The following GLI2 variants were observed in gnomAD, a reference collection of about 807,000 sequenced individuals.
GLI2 encodes transcription activator GLI2.
In GLI2, 22 loss-of-function variants were observed where a neutral mutation model predicts 78.9. The observed-to-expected ratio is 0.28, with a 90% CI of 0.20 to 0.40. The LOEUF is 0.40. Ranked by LOEUF, GLI2 falls within the 10% of genes least tolerant of loss-of-function variation. GLI2 has a pLI of 1.00. For synonymous variants in GLI2, 974 were observed against 963.7 expected (o/e 1.01, Z -0.20); for missense variants, 2,097 against 2,213.2 (o/e 0.95, Z 1.05).
intron 2 of GLI2, among the ~76,000 whole-genome samples, chr2:120,921,931 C>G (rs1260038211): frequency 1.3e-5 from 2 of 152,208 alleles, no homozygotes; most frequent in East Asian, 3.9e-4. Flanking sequence ...ATTTGCTATT[C>G]CTTCTGCCCC....
chr2:120,972,413 G>A (rs571721686), intron 8 of GLI2, among the ~76,000 whole-genome samples: 21 of 152,298 alleles, frequency 1.4e-4, no homozygotes, highest in African/African-American at 4.3e-4. Context: ...TCACGTCCCC[G>A]GAATGGCCCA....
chr2:120,757,133 CT>C (rs1324228971), intron 1 of GLI2, among the ~76,000 whole-genome samples: 2 of 151,894 alleles, frequency 1.3e-5, no homozygotes, highest in African/African-American at 4.8e-5. Context: ...TTTATAACTA[CT>C]GTTTTCATGC....
intron 1 of GLI2, among the ~76,000 whole-genome samples, chr2:120,780,705 G>A (rs558111181): frequency 6.6e-6 from 1 of 152,358 alleles, no homozygotes; most frequent in East Asian, 1.9e-4. Flanking sequence ...TGCCACCCGG[G>A]TTCCCAGCTG....
At chr2:120,767,600 G>A (rs951988747) in intron 1 of GLI2, among the ~76,000 whole-genome samples, 1 of 152,180 alleles carries the variant, frequency 6.6e-6, no homozygotes, top group African/African-American at 2.4e-5. Flanking sequence ...ATTGGCACAG[G>A]GGCACGGGAG....
At chr2:120,832,355 C>A (rs904174428) in intron 2 of GLI2, among the ~76,000 whole-genome samples, 1 of 152,126 alleles carries the variant, frequency 6.6e-6, no homozygotes, top group South Asian at 2.1e-4. Context: ...AAAGGAGGTG[C>A]TAGGAAGGGT....
intron 3 of GLI2, among the ~76,000 whole-genome samples, chr2:120,942,137 C>G (rs999105472): frequency 6.6e-6 from 1 of 152,214 alleles, no homozygotes; most frequent in Admixed American, 6.5e-5. Flanking sequence ...AGGGCCAACT[C>G]TAGGCCAATG....
intron 3 of GLI2, among the ~76,000 whole-genome samples, chr2:120,948,724 C>T (rs1481679721): frequency 6.6e-6 from 1 of 152,180 alleles, no homozygotes; most frequent in Admixed American, 6.5e-5. Context: ...CAGGGGGCCT[C>T]AGCTGTGGTT....
intron 2 of GLI2, among the ~76,000 whole-genome samples, chr2:120,813,154 G>A (rs900625752): frequency 2.6e-5 from 4 of 152,208 alleles, no homozygotes; most frequent in African/African-American, 9.7e-5. Context: ...TGGCAGGGCC[G>A]GGGTGGTGAA....
intron 1 of GLI2, among the ~76,000 whole-genome samples, chr2:120,760,812 G>C (rs1683191652): frequency 6.6e-6 from 1 of 152,162 alleles, no homozygotes; most frequent in African/African-American, 2.4e-5. Flanking sequence ...AATGTTTTCA[G>C]GTCCTTGTGG....
At chr2:120,955,472 T>A (rs1681215600) in intron 5 of GLI2, 42 bp downstream of exon 5, 1 of 1,284,048 alleles carries the variant, frequency 7.8e-7, no homozygotes, top group Admixed American at 2.3e-5. Context: ...GGCTAGCAGA[T>A]CTCCTCTTGA....
At chr2:120,868,699 A>G (rs1688275926) in intron 2 of GLI2, among the ~76,000 whole-genome samples, 1 of 152,204 alleles carries the variant, frequency 6.6e-6, no homozygotes, top group South Asian at 2.1e-4. Flanking sequence ...TCAGAGTGTG[A>G]CTTGCTAGAA....
intron 2 of GLI2, among the ~76,000 whole-genome samples, chr2:120,829,306 C>T (rs1686243449): frequency 6.6e-6 from 1 of 152,232 alleles, no homozygotes; most frequent in Non-Finnish European, 1.5e-5. Flanking sequence ...TCTCTTTCCA[C>T]ATCATTTACA....
chr2:120,948,274 G>A (rs375813695), intron 3 of GLI2, among the ~76,000 whole-genome samples: 18 of 152,320 alleles, frequency 1.2e-4, no homozygotes, highest in African/African-American at 3.8e-4. Flanking sequence ...GCACACAGCC[G>A]GTGCTTACTT....
intron 2 of GLI2, among the ~76,000 whole-genome samples, chr2:120,920,820 G>T (rs1326275486): frequency 6.6e-6 from 1 of 151,276 alleles, no homozygotes; most frequent in Non-Finnish European, 1.5e-5. Context: ...GGCATACGGG[G>T]TGTGTATGTT....
At position 120,970,531 on chromosome 2, in the gene GLI2, C is replaced by T. The variant is rs1188282688; in HGVS notation, c.984C>T (p.Pro328=). 1.2e-6 allele frequency: 2 copies of T among 1,614,070 alleles called. No homozygotes were observed. The highest frequency in any genetic ancestry group is 1.7e-5 in the Admixed American group (1 of 60,010). ...CACCCACCTTCCTGGCCCAGCAGCC[C>T]ATGGCCCTCACCTCCATCAATGCCA... ...QPSPTFLAQQ[P]MALTSINATP... Residue 328 remains proline (P), a synonymous_variant, in exon 7 of 14, where the codon CCC becomes CCT. Transcript: ENST00000361492.
At chr2:120,806,978 C>A (rs1214851587) in intron 2 of GLI2, among the ~76,000 whole-genome samples, 1 of 152,192 alleles carries the variant, frequency 6.6e-6, no homozygotes, top group Non-Finnish European at 1.5e-5. Flanking sequence ...TGCAGTGATC[C>A]AGGAAAACAT....
chr2:120,984,046 T>C (rs569441034), intron 11 of GLI2, among the ~76,000 whole-genome samples: 1 of 152,008 alleles, frequency 6.6e-6, no homozygotes, highest in East Asian at 1.9e-4. Flanking sequence ...CTGGATGACT[T>C]GGAACCTGTT....
intron 5 of GLI2, among the ~76,000 whole-genome samples, chr2:120,967,703 T>A (rs949872611): frequency 2.0e-5 from 3 of 152,244 alleles, no homozygotes; most frequent in Non-Finnish European, 2.9e-5. Context: ...AGTGTTTGCA[T>A]GCATGGGTGA....
intron 11 of GLI2, 48 bp from the exon 12 acceptor site, chr2:120,984,423 T>C: frequency 1.2e-6 from 2 of 1,601,326 alleles, no homozygotes; most frequent in Non-Finnish European, 1.7e-6. Context: ...CCCTTCAGAG[T>C]TGATCCTCGT....
Sources: gnomAD v4.1 joint callset for allele counts (sites outside exome capture counted in the v4.1 genomes callset) on GRCh38, gnomAD v4.1.1 for gene constraint, MANE v1.5 for transcripts, NCBI Gene and HGNC (gene_info 2026-07-23, HGNC 2026-07-21) for gene names.